The following AKIP1 variants were observed in gnomAD, a reference collection of about 807,000 sequenced individuals.
AKIP1 encodes the protein A-kinase-interacting protein 1.
A neutral mutation model predicts 22.3 loss-of-function variants in AKIP1; 18 were observed. The observed-to-expected ratio is 0.81, with a 90% CI of 0.56 to 1.19. AKIP1 has a LOEUF of 1.19. AKIP1 is among the 50% of genes most tolerant of loss of function. AKIP1 has a pLI of 0.00. For synonymous variants in AKIP1, 120 were observed against 102.7 expected (o/e 1.17, Z -1.02); for missense variants, 287 against 264.6 (o/e 1.08, Z -0.59).
At chr11:8,916,114 C>G (rs1224731857) in intron 4 of AKIP1, among the ~76,000 whole-genome samples, 1 of 152,110 alleles carries the variant, frequency 6.6e-6, no homozygotes, top group African/African-American at 2.4e-5. Context: ...CCCACCGCGC[C>G]TGACCCATTT....
At chr11:8,912,257 CA>C (rs2064387229) in intron 2 of AKIP1, among the ~76,000 whole-genome samples, 195 bp from the exon 3 acceptor site, 1 of 151,248 alleles carries the variant, frequency 6.6e-6, no homozygotes, top group African/African-American at 2.4e-5. Context: ...GGAAAGCCTG[CA>C]AGCCTGTCTC....
At chr11:8,917,784 A>G in intron 5 of AKIP1, 1 of 284,812 alleles carries the variant, frequency 3.5e-6, no homozygotes, top group Non-Finnish European at 6.5e-6. Flanking sequence ...AGGTTCCAAA[A>G]CATTTGAAGG....
Position 8,911,283 on chromosome 11 carries a change from AGGCCTAGTCCT to A in AKIP1, c.-7+64_-7+74del, listed in dbSNP as rs2064333642. The A allele has an allele frequency of 1.1e-5, 7 of 626,306 alleles. No homozygotes were observed. In the East Asian group the frequency reaches 2.0e-4, roughly 18 times the overall value. 38.8% of individuals were successfully genotyped at this position (626,306 alleles called of 1,614,324 possible). On this transcript the variant is annotated intron_variant, in intron 1 of 5. Transcript: ENST00000309377. Reference sequence around the variant, plus strand: ...TGAAAATGGAAGGGGCGGGCGCGCTAGGCCTAGTCCTGGCTGGGCTCCCGCTGGAGTGTGCG... The same window carrying A: ...TGAAAATGGAAGGGGCGGGCGCGCTAGGCTGGGCTCCCGCTGGAGTGTGCG...
chr11:8,912,616 G>A (rs1189567221), intron 3 of AKIP1, 83 bp downstream of exon 3: 4 of 1,246,200 alleles, frequency 3.2e-6, no homozygotes, highest in East Asian at 2.3e-5. Flanking sequence ...CGGAGAATCT[G>A]GACACTACCT....
At chr11:8,917,931 A>G (rs974074456) in intron 5 of AKIP1, 4 of 155,356 alleles carry the variant, frequency 2.6e-5, no homozygotes, top group Non-Finnish European at 4.3e-5. Context: ...TTCTGAGGAA[A>G]GGAACTTCAT....
chr11:8,911,799 C>T, intron 2 of AKIP1, 128 bp downstream of exon 2: 1 of 943,774 alleles, frequency 1.1e-6, no homozygotes, highest in East Asian at 2.7e-5. Flanking sequence ...AGGATCAGAA[C>T]AATGAATGGA....
In AKIP1 at chr11:8,919,839, A is replaced by G. The variant is rs551346107; in HGVS notation, c.*359A>G. 1.4e-4 allele frequency: 28 copies of G among 195,584 alleles called. 1 individual carries two copies. In the East Asian group the frequency reaches 2.7e-3, roughly 19 times the overall value. The allele number at this position is 195,584 out of a possible 1,614,324, so 12.1% of individuals were successfully genotyped here. A position where few individuals can be genotyped will look rare whatever the true frequency, so the allele number is the denominator to read the frequency against. On this transcript the variant is annotated 3_prime_UTR_variant, in exon 6 of 6. Transcript: ENST00000309377. The stretch of plus-strand genomic sequence containing the variant: ...TTTTTAGTAGAGACGGGGTTTCACC[A>G]TGTTGGCCAGGATGGTCTCGATCTC...
Position 8,911,220 on chromosome 11 carries a change from C to CTGGTGTAGATCT in AKIP1, c.-10_-9insTGGTGTAGATCT. 3.7e-6 allele frequency: 2 copies of CTGGTGTAGATCT among 543,670 alleles called. No individual in the cohort carries two copies. The highest frequency in any genetic ancestry group is 3.0e-5 in the East Asian group (1 of 33,064). 33.7% of individuals were successfully genotyped at this position (543,670 alleles called of 1,614,324 possible). A position where few individuals can be genotyped will look rare whatever the true frequency, so the allele number is the denominator to read the frequency against. On this transcript the variant is annotated 5_prime_UTR_variant, in exon 1 of 6. Transcript: ENST00000309377. ...GCGCGCATGCGCCTTGACGAGTGAG[C>CTGGTGTAGATCT]CGGGTGAGGGGGCTCCCTAAGTAGC...
Position 8,914,941 on chromosome 11 carries a change from T to C in AKIP1, c.408+11T>C, listed in dbSNP as rs1331053341. On this transcript the variant is annotated intron_variant, in intron 4 of 5. Transcript: ENST00000309377. ...ATAGGGAATGGTCAGGTAAGTGTAC[T>C]CAACTGTCCTGCACCATGCCTTCAG... 19 of 1,600,472 alleles carry C rather than the reference T, an allele frequency of 1.2e-5. No individual in the cohort carries two copies.
rs368030888 is a variant in AKIP1, at chr11:8,914,864, C to T, written c.342C>T (p.Thr114=). 6.2e-7 allele frequency: 1 copy of T among 1,614,018 alleles called. No homozygotes were observed. The highest frequency in any genetic ancestry group is 1.3e-5 in the African/African-American group (1 of 75,046). The part of the protein sequence containing the change: ...YSSVPEEGGA[T]HVYRYHRGES... Reference sequence around the variant, plus strand: ...CTGTGCCAGAGGAAGGAGGGGCAACCCATGTCTATCGTTATCACAGAGGCG... The same window carrying T: ...CTGTGCCAGAGGAAGGAGGGGCAACTCATGTCTATCGTTATCACAGAGGCG... The change falls in exon 4 of 6, where the codon ACC becomes ACT. Residue 114 remains threonine (T), a synonymous_variant. Transcript: ENST00000309377.
Position 8,919,753 on chromosome 11 carries a change from C to T in AKIP1, c.*273C>T, listed in dbSNP as rs560253332. The T allele has an allele frequency of 3.7e-5, 10 of 272,112 alleles. No individual in the cohort carries two copies. In the South Asian group the frequency reaches 4.8e-4, roughly 13 times the overall value. 16.9% of individuals were successfully genotyped at this position (272,112 alleles called of 1,614,324 possible). A position where few individuals can be genotyped will look rare whatever the true frequency, so the allele number is the denominator to read the frequency against. ...CCGGGTTCACACCATTCTCCTGCCT[C>T]AGCCTCCCGAGTAGCTGGCACTACA... is the stretch of plus-strand genomic sequence containing the variant. On this transcript the variant is annotated 3_prime_UTR_variant, in exon 6 of 6. Transcript: ENST00000309377.
chr11:8,911,515 A>G lies in AKIP1; in HGVS notation c.66A>G (p.Ala22=), dbSNP rs199973159. ...GVDRRSLQRS[A]RLALEVLERA... ...ACCGACGTTCCCTGCAGCGTTCAGC[A>G]AGGCTGGCTCTAGAAGTGCTGGAGA... Residue 22 remains alanine (A), a synonymous_variant, in exon 2 of 6, where the codon GCA becomes GCG. Transcript: ENST00000309377. The G allele has an allele frequency of 6.8e-6, 11 of 1,609,828 alleles. No individual in the cohort carries two copies. In the East Asian group the frequency reaches 2.5e-4, roughly 36 times the overall value.
chr11:8,919,570 T>A lies in AKIP1; in HGVS notation c.*90T>A. On this transcript the variant is annotated 3_prime_UTR_variant, in exon 6 of 6. Coordinates refer to ENST00000309377, the MANE Select transcript of AKIP1 (RefSeq NM_020642.4). ...TCTCTTAATAGCTATACATTAATCC[T>A]GTTTTTAGTGCTGACTGGGTCAGCC... 7.1e-7 allele frequency: 1 copy of A among 1,404,998 alleles called. No homozygotes were observed. The highest frequency in any genetic ancestry group is 9.8e-7 in the Non-Finnish European group (1 of 1,024,598). 87.0% of individuals were successfully genotyped at this position (1,404,998 alleles called of 1,614,324 possible). A position where few individuals can be genotyped will look rare whatever the true frequency, so the allele number is the denominator to read the frequency against.
In AKIP1 at chr11:8,912,353, G is replaced by C. The variant is rs2064391600; in HGVS notation, c.223-100G>C. On this transcript the variant is annotated intron_variant, in intron 2 of 5. Transcript: ENST00000309377. Reference sequence around the variant, plus strand: ...TCGTTCTTTCTGACATAAACTTGCAGAGCCTTTCCAAAAGTAAAAAGGAGA... The same window carrying C: ...TCGTTCTTTCTGACATAAACTTGCACAGCCTTTCCAAAAGTAAAAAGGAGA... 6.7e-6 allele frequency: 6 copies of C among 898,614 alleles called. No homozygotes were observed. In the South Asian group the frequency reaches 8.3e-5, roughly 12 times the overall value. The allele number at this position is 898,614 out of a possible 1,614,324, so 55.7% of individuals were successfully genotyped here. A position where few individuals can be genotyped will look rare whatever the true frequency, so the allele number is the denominator to read the frequency against.
intron 4 of AKIP1, among the ~76,000 whole-genome samples, chr11:8,915,189 A>G (rs2134807210): frequency 6.6e-6 from 1 of 152,250 alleles, no homozygotes; most frequent in South Asian, 2.1e-4. Flanking sequence ...GGGATTCTCC[A>G]GCAGGTTTAA....
chr11:8,911,481 A>G lies in AKIP1; in HGVS notation c.32A>G (p.Asn11Ser), dbSNP rs780983316. 20 of 1,605,444 alleles carry G rather than the reference A, an allele frequency of 1.2e-5. No individual in the cohort carries two copies. The highest frequency in any genetic ancestry group is 1.4e-5 in the Non-Finnish European group (17 of 1,176,434). Residue 11 changes from asparagine (N) to serine (S), a missense_variant, in exon 2 of 6, where the codon AAT (asparagine) becomes AGT (serine). Asn to Ser is a conservative substitution (Grantham distance 46). Transcript: ENST00000309377. ...AACTGTTTGGCGGCCGCAGCGCTGA[A>G]TGGGGTGGACCGACGTTCCCTGCAG... is the stretch of plus-strand genomic sequence containing the variant. MDNCLAAAAL[N>S]GVDRRSLQRS...
intron 2 of AKIP1, 141 bp downstream of exon 2, chr11:8,911,812 A>G (rs986814485): frequency 7.1e-6 from 6 of 845,922 alleles, no homozygotes; most frequent in Non-Finnish European, 1.1e-5. Context: ...TGAATGGAAA[A>G]GTCCTTTCAA....
chr11:8,919,587 G>C lies in AKIP1; in HGVS notation c.*107G>C. ...ATTAATCCTGTTTTTAGTGCTGACT[G>C]GGTCAGCCTTCCGGGAACTGGAGTC... On this transcript the variant is annotated 3_prime_UTR_variant, in exon 6 of 6. Coordinates refer to ENST00000309377, the MANE Select transcript of AKIP1 (RefSeq NM_020642.4). 2.4e-6 allele frequency: 3 copies of C among 1,273,528 alleles called. No individual in the cohort carries two copies. The highest frequency in any genetic ancestry group is 3.3e-6 in the Non-Finnish European group (3 of 915,986). The allele number at this position is 1,273,528 out of a possible 1,614,324, so 78.9% of individuals were successfully genotyped here. A position where few individuals can be genotyped will look rare whatever the true frequency, so the allele number is the denominator to read the frequency against.
At chr11:8,916,991 TAC>T (rs1384620386) in intron 4 of AKIP1, among the ~76,000 whole-genome samples, 3 of 152,216 alleles carry the variant, frequency 2.0e-5, no homozygotes, top group Non-Finnish European at 4.4e-5. Flanking sequence ...AGTGCCATGT[TAC>T]AGACTGGAAA....
Sources: allele counts gnomAD v4.1 joint callset (sites outside exome capture counted in the v4.1 genomes callset), GRCh38; gene constraint gnomAD v4.1.1; transcripts MANE v1.5; gene names NCBI Gene and HGNC (gene_info 2026-07-23, HGNC 2026-07-21).